Variants in HHIP observed in about 807,000 individuals in gnomAD.
The protein encoded by HHIP is hedgehog-interacting protein.
In HHIP, 12 loss-of-function variants were observed where a neutral mutation model predicts 74.0. The ratio of observed to expected loss-of-function variants is 0.16; its 90% confidence interval spans 0.10 to 0.26. The LOEUF is 0.26. Among genes scored for constraint, HHIP ranks in the 10% least tolerant of loss-of-function variants. The probability of loss-of-function intolerance (pLI) is 1.00; values close to 1 mark genes in which losing one functional copy is unlikely to be tolerated. For missense variants in HHIP, 788 were observed against 845.0 expected (o/e 0.93, Z 0.84); for synonymous variants, 309 against 311.6 (o/e 0.99, Z 0.09).
intron 4 of HHIP, among the ~76,000 whole-genome samples, chr4:144,702,312 T>G (rs1226476367): frequency 6.6e-6 from 1 of 152,210 alleles, no homozygotes; most frequent in Non-Finnish European, 1.5e-5. Flanking sequence ...GCTGCAACAC[T>G]AGGTCTGATC....
intron 4 of HHIP, among the ~76,000 whole-genome samples, chr4:144,698,627 T>A (rs540845623): frequency 3.8e-4 from 58 of 152,226 alleles, no homozygotes; most frequent in Non-Finnish European, 7.6e-4. Flanking sequence ...ATTCCGTTAA[T>A]TGGACTAAGT....
chr4:144,665,768 T>A (rs1728843210), intron 4 of HHIP, among the ~76,000 whole-genome samples: 1 of 152,208 alleles, frequency 6.6e-6, no homozygotes, highest in Admixed American at 6.5e-5. Flanking sequence ...TTCCACCCTA[T>A]TTTTTACTGA....
At chr4:144,723,282 A>G (rs1228415847) in intron 11 of HHIP, among the ~76,000 whole-genome samples, 5 of 152,182 alleles carry the variant, frequency 3.3e-5, no homozygotes, top group African/African-American at 1.2e-4. Flanking sequence ...GTCATTTTAC[A>G]TACATGTTGT....
chr4:144,687,018 C>A (rs1054764356), intron 4 of HHIP, among the ~76,000 whole-genome samples: 2 of 152,156 alleles, frequency 1.3e-5, no homozygotes, highest in Admixed American at 6.5e-5. Flanking sequence ...TAAAATAAAT[C>A]ATCAAGTCTT....
intron 12 of HHIP, among the ~76,000 whole-genome samples, chr4:144,736,127 T>C (rs1010461621): frequency 1.4e-5 from 2 of 145,522 alleles, no homozygotes; most frequent in African/African-American, 5.0e-5. Flanking sequence ...ATATCTACTT[T>C]TTCTGCATCT....
At chr4:144,723,862 G>C (rs1481487953) in intron 11 of HHIP, among the ~76,000 whole-genome samples, 2 of 152,188 alleles carry the variant, frequency 1.3e-5, no homozygotes, top group African/African-American at 4.8e-5. Flanking sequence ...TGAAGTCTAA[G>C]AGGCAAGGAA....
At chr4:144,690,056 C>T (rs867341101) in intron 4 of HHIP, among the ~76,000 whole-genome samples, 1 of 152,180 alleles carries the variant, frequency 6.6e-6, no homozygotes, top group South Asian at 2.1e-4. Context: ...GATCCATCCA[C>T]CTTGGCCTCC....
At chr4:144,725,171 A>G (rs1407536187) in intron 11 of HHIP, among the ~76,000 whole-genome samples, 2 of 152,210 alleles carry the variant, frequency 1.3e-5, no homozygotes, top group Non-Finnish European at 2.9e-5. Context: ...TGCATTAGAT[A>G]TGTCTGAAAC....
intron 4 of HHIP, among the ~76,000 whole-genome samples, chr4:144,669,710 C>T (rs560436621): frequency 6.6e-6 from 1 of 152,168 alleles, no homozygotes; most frequent in East Asian, 1.9e-4. Context: ...GATTATAGAA[C>T]TAAATCCAGT....
intron 11 of HHIP, among the ~76,000 whole-genome samples, chr4:144,733,335 T>C (rs1560724588): frequency 6.6e-6 from 1 of 152,300 alleles, no homozygotes; most frequent in Non-Finnish European, 1.5e-5. Context: ...CTACAGAACA[T>C]AGCACTTTCG....
chr4:144,707,230 T>C lies in HHIP; in HGVS notation c.1127T>C (p.Leu376Pro). ...YIILGDGMIT[L>P]DDMEEMDGLS... ...ATTCTTGGTGATGGGATGATTACAC[T>C]GGATGATATGGAAGAAATGGATGGG... is the stretch of plus-strand genomic sequence containing the variant. Residue 376 changes from leucine (L) to proline (P), a missense_variant, in exon 6 of 13, where the codon CTG becomes CCG. By Grantham distance (98) the Leu-to-Pro change is moderately conservative. Around this residue, in one of 3 missense-constraint regions of HHIP, gnomAD observed 72 missense variants for 130.6 expected, o/e 0.55. Coordinates refer to ENST00000296575, the MANE Select transcript of HHIP (RefSeq NM_022475.3). 1 of 1,612,802 alleles carries C rather than the reference T, an allele frequency of 6.2e-7. No homozygotes were observed. Among genetic ancestry groups the C allele is most frequent in the Non-Finnish European group, 8.5e-7 (1 of 1,179,544 alleles).
intron 1 of HHIP, among the ~76,000 whole-genome samples, chr4:144,650,109 C>T (rs1174915502): frequency 1.3e-5 from 2 of 152,118 alleles, no homozygotes; most frequent in African/African-American, 2.4e-5. Flanking sequence ...CTTTTGCCCT[C>T]TTTGTTTAGT....
At chr4:144,660,067 C>T (rs1042303671) in intron 4 of HHIP, 1 of 551,228 alleles carries the variant, frequency 1.8e-6, no homozygotes, top group East Asian at 2.9e-5. Flanking sequence ...ATTTGACATG[C>T]TTTCCCCATG....
intron 11 of HHIP, among the ~76,000 whole-genome samples, chr4:144,730,563 T>C (rs1412003685): frequency 6.6e-6 from 1 of 152,122 alleles, no homozygotes; most frequent in African/African-American, 2.4e-5. Context: ...ATGATTCTTA[T>C]TAGATCGTAC....
chr4:144,681,376 C>T (rs1729334605), intron 4 of HHIP, among the ~76,000 whole-genome samples: 1 of 150,090 alleles, frequency 6.7e-6, no homozygotes, highest in South Asian at 2.1e-4. Context: ...TGCTTTTGCT[C>T]TTCAGAGCTT....
rs1174297815 is a variant in HHIP, at chr4:144,684,232, ATTTTTTTTTTTTTTTTTTTTTTTTT to A, written c.832-22279_832-22255del. The stretch of plus-strand genomic sequence containing the variant: ...ATGAAAAATACAAAAAAAAAAAAGA[ATTTTTTTTTTTTTTTTTTTTTTTTT>A]TTTTTTTTTTTTTTTTTTTGAGACG... On this transcript the variant is annotated intron_variant, in intron 4 of 12. Coordinates refer to ENST00000296575, the MANE Select transcript of HHIP (RefSeq NM_022475.3). Among the ~76,000 whole-genome samples, 16 of 63,008 alleles carry A rather than the reference ATTTTTTTTTTTTTTTTTTTTTTTTT, an allele frequency of 2.5e-4. No homozygotes were observed. In the East Asian group the frequency reaches 3.3e-3, roughly 13 times the overall value. The allele number at this position is 63,008 out of a possible 152,430, so 41.3% of individuals were successfully genotyped here.
At chr4:144,660,589 A>C (rs537923854) in intron 4 of HHIP, among the ~76,000 whole-genome samples, 57 of 152,260 alleles carry the variant, frequency 3.7e-4, no homozygotes, top group Middle Eastern at 6.8e-3. Flanking sequence ...TTAACTGAAA[A>C]AAAAAAACCT....
intron 4 of HHIP, among the ~76,000 whole-genome samples, chr4:144,663,023 T>G (rs58797593): frequency 0.063 from 9,606 of 152,200 alleles, 434 homozygotes; most frequent in African/African-American, 0.13. Context: ...TGGTGTCTCA[T>G]GCCTGTAATT....
At position 144,702,837 on chromosome 4, in the gene HHIP, A is replaced by C. The variant is rs78613606; in HGVS notation, c.832-3694A>C. On this transcript the variant is annotated intron_variant, in intron 4 of 12. Transcript: ENST00000296575. Reference sequence around the variant, plus strand: ...GTGCTCAGTGCTAATAATGAAGTACAATTATAATGTGAATATTTAGACAAA... The same window carrying C: ...GTGCTCAGTGCTAATAATGAAGTACCATTATAATGTGAATATTTAGACAAA... Among the ~76,000 whole-genome samples the C allele has an allele frequency of 4.3e-3, 651 of 152,334 alleles. 7 individuals carry two copies. Among genetic ancestry groups the C allele is most frequent in the African/African-American group, 0.015 (611 of 41,572 alleles).
Sources: gnomAD v4.1 joint callset for allele counts (sites outside exome capture counted in the v4.1 genomes callset) on GRCh38, gnomAD v4.1.1 for gene constraint, gnomAD v4.1.1 regional missense constraint, MANE v1.5 for transcripts, NCBI Gene and HGNC (gene_info 2026-07-23, HGNC 2026-07-21) for gene names.